FAM219A: variants seen among roughly 807,000 people sequenced by gnomAD.
The protein encoded by FAM219A is family with sequence similarity 219 member A.
FAM219A carries 7 observed loss-of-function variants against 23.4 expected under a neutral mutation model. The ratio of observed to expected loss-of-function variants is 0.30; its 90% CI spans 0.17 to 0.56. The LOEUF (loss-of-function observed/expected upper bound fraction) is 0.56, where lower values mean the gene tolerates loss of function less well. Among genes scored for constraint, FAM219A ranks in the 20% least tolerant of loss-of-function variants. The pLI, the probability that FAM219A is intolerant of heterozygous loss-of-function variation, is 0.92. For missense variants in FAM219A, 166 were observed against 246.9 expected, an observed-to-expected ratio of 0.67 and a Z score of 2.20; for synonymous variants, 93 against 99.0, an observed-to-expected ratio of 0.94 and a Z score of 0.36.
At position 34,398,502 on chromosome 9, in the gene FAM219A, C is replaced by G; in HGVS notation, c.*2462G>C. On this transcript the variant is annotated 3_prime_UTR_variant, in exon 6 of 6. Transcript: ENST00000651358. Reference sequence around the variant, plus strand: ...CCCTCCCTAGACACAGAAGCTGCCACTGCCAGCTTCCTGCCTCTCTCTGCC... The same window carrying G: ...CCCTCCCTAGACACAGAAGCTGCCAGTGCCAGCTTCCTGCCTCTCTCTGCC... 5 of 880,090 alleles carry G rather than the reference C, an allele frequency of 5.7e-6. No homozygotes were observed. Among genetic ancestry groups the G allele is most frequent in the Non-Finnish European group, 6.9e-6 (4 of 576,756 alleles). The allele number at this position is 880,090 out of a possible 1,614,324, so 54.5% of individuals were successfully genotyped here.
chr9:34,400,106 G>A lies in FAM219A; in HGVS notation c.*858C>T, dbSNP rs1027494224. On this transcript the variant is annotated 3_prime_UTR_variant, in exon 6 of 6. Coordinates refer to ENST00000651358, the MANE Select transcript of FAM219A (RefSeq NM_001184940.2). The stretch of plus-strand genomic sequence containing the variant: ...ACTGGGAAGCAGCCTCCCACGTCTT[G>A]GGCTGGGGTGAGGGGAATGGGCCAT... 6.6e-6 allele frequency: 1 copy of A among 152,342 alleles called. No homozygotes were observed. The highest frequency in any genetic ancestry group is 2.4e-5 in the African/African-American group (1 of 41,432). The allele number at this position is 152,342 out of a possible 1,614,324, so 9.4% of individuals were successfully genotyped here. A position where few individuals can be genotyped will look rare whatever the true frequency, so the allele number is the denominator to read the frequency against.
At chr9:34,412,613 A>AC (rs1458082861) in intron 1 of FAM219A, among the ~76,000 whole-genome samples, 1 of 151,846 alleles carries the variant, frequency 6.6e-6, no homozygotes, top group Non-Finnish European at 1.5e-5. Context: ...AAAAAAAAAA[A>AC]AACCAAGGGT....
At chr9:34,421,009 T>TGTGTGAGAGAGAGAGA (rs1554677406) in intron 1 of FAM219A, among the ~76,000 whole-genome samples, 3 of 86,438 alleles carry the variant, frequency 3.5e-5, no homozygotes, top group South Asian at 4.0e-4. Flanking sequence ...TGTGTGTGTG[T>TGTGTGAGAGAGAGAGA]GAGAGAGAGA....
chr9:34,425,766 A>G (rs1254991302), intron 1 of FAM219A, among the ~76,000 whole-genome samples: 1 of 152,202 alleles, frequency 6.6e-6, no homozygotes, highest in Non-Finnish European at 1.5e-5. Context: ...GACTTTTCCC[A>G]AAACTCTGAC....
chr9:34,450,091 C>T (rs143533900), intron 1 of FAM219A, among the ~76,000 whole-genome samples: 1,642 of 152,144 alleles, frequency 0.011, 32 homozygotes, highest in African/African-American at 0.037. Context: ...GTGAATAGAT[C>T]GCTTGAGCTC....
chr9:34,444,979 T>G (rs750862694), intron 1 of FAM219A, among the ~76,000 whole-genome samples: 8 of 152,230 alleles, frequency 5.3e-5, no homozygotes, highest in Non-Finnish European at 1.2e-4. Context: ...CTTCCTATGT[T>G]TGGCTCAGTG....
chr9:34,436,665 G>C (rs1822934640), intron 1 of FAM219A, among the ~76,000 whole-genome samples: 1 of 152,216 alleles, frequency 6.6e-6, no homozygotes, highest in Non-Finnish European at 1.5e-5. Context: ...TTGAGACACT[G>C]TTGCCAGTTA....
intron 1 of FAM219A, among the ~76,000 whole-genome samples, chr9:34,416,197 A>AAGAAAGAT (rs1398380061): frequency 2.4e-5 from 2 of 82,556 alleles, no homozygotes; most frequent in South Asian, 1.0e-3. Context: ...GAAAGAAAGA[A>AAGAAAGAT]AGAAAGAAAG....
In FAM219A at chr9:34,398,340, C is replaced by A; in HGVS notation, c.*2624G>T. ...AAATAAATTAGTGAGCACGGAGAAA[C>A]CTGGCTGGGTGGCAGCCACAGCTGA... On this transcript the variant is annotated 3_prime_UTR_variant, in exon 6 of 6. Coordinates refer to ENST00000651358, the MANE Select transcript of FAM219A (RefSeq NM_001184940.2). 10 of 1,550,734 alleles carry A rather than the reference C, an allele frequency of 6.4e-6. No individual in the cohort carries two copies. The highest frequency in any genetic ancestry group is 8.7e-6 in the Non-Finnish European group (10 of 1,147,006).
At chr9:34,430,886 G>A (rs1822674195) in intron 1 of FAM219A, among the ~76,000 whole-genome samples, 1 of 141,080 alleles carries the variant, frequency 7.1e-6, no homozygotes, top group Admixed American at 6.9e-5. Context: ...TGGGCACAAT[G>A]CCTTAAGGAC....
chr9:34,452,908 G>A (rs1823606155), intron 1 of FAM219A, among the ~76,000 whole-genome samples: 1 of 152,104 alleles, frequency 6.6e-6, no homozygotes, highest in Non-Finnish European at 1.5e-5. Flanking sequence ...ATTCTATAGT[G>A]CCTCAATCTG....
At chr9:34,404,048 TGAG>T (rs1180322041) in intron 2 of FAM219A, among the ~76,000 whole-genome samples, 1 of 152,214 alleles carries the variant, frequency 6.6e-6, no homozygotes, top group East Asian at 1.9e-4. Flanking sequence ...TGAATTTTCA[TGAG>T]GAGCTTTGAT....
intron 1 of FAM219A, among the ~76,000 whole-genome samples, chr9:34,426,393 C>T (rs1370879850): frequency 1.3e-5 from 2 of 152,106 alleles, no homozygotes; most frequent in East Asian, 1.9e-4. Flanking sequence ...CCAAAAATCC[C>T]AGATCCTAGT....
chr9:34,448,582 A>G (rs1323546450), intron 1 of FAM219A, among the ~76,000 whole-genome samples: 1 of 152,248 alleles, frequency 6.6e-6, no homozygotes, highest in Non-Finnish European at 1.5e-5. Flanking sequence ...GTGAACAGTG[A>G]GAACATTTAT....
intron 1 of FAM219A, among the ~76,000 whole-genome samples, chr9:34,407,294 T>G (rs2131934555): frequency 6.6e-6 from 1 of 152,290 alleles, no homozygotes; most frequent in East Asian, 1.9e-4. Flanking sequence ...TCACCTTTAT[T>G]TCATTTATAT....
intron 1 of FAM219A, among the ~76,000 whole-genome samples, chr9:34,442,953 A>G (rs1823233960): frequency 6.6e-6 from 1 of 152,198 alleles, no homozygotes; most frequent in South Asian, 2.1e-4. Flanking sequence ...ATTTAATTCA[A>G]ATATTCAAAC....
At chr9:34,439,810 CAT>C (rs1169147821) in intron 1 of FAM219A, among the ~76,000 whole-genome samples, 3 of 152,112 alleles carry the variant, frequency 2.0e-5, no homozygotes, top group African/African-American at 7.2e-5. Context: ...AGCCAGATCA[CAT>C]GTTAGGGTTA....
chr9:34,426,773 G>A (rs78598567), intron 1 of FAM219A, among the ~76,000 whole-genome samples: 15,065 of 152,210 alleles, frequency 0.099, 959 homozygotes, highest in Non-Finnish European at 0.14. Flanking sequence ...AGGATTGCAG[G>A]GAAAGTGAGT....
chr9:34,445,651 A>G (rs1261462340), intron 1 of FAM219A, among the ~76,000 whole-genome samples: 1 of 151,376 alleles, frequency 6.6e-6, no homozygotes, highest in Non-Finnish European at 1.5e-5. Flanking sequence ...AGATGCCTCA[A>G]AAGCCAGTGG....
Sources: allele counts gnomAD v4.1 joint callset (sites outside exome capture counted in the v4.1 genomes callset), GRCh38; gene constraint gnomAD v4.1.1; transcripts MANE v1.5; gene names NCBI Gene and HGNC (gene_info 2026-07-23, HGNC 2026-07-21).